ZNF484: variants seen among roughly 807,000 people sequenced by gnomAD.
The protein encoded by ZNF484 is KRAB box containing C2H2 type zinc finger bA526D8.4.
A neutral mutation model predicts 12.9 loss-of-function variants in ZNF484; 11 were observed. That is an observed-to-expected ratio of 0.85 (90% CI 0.54 to 1.41). The LOEUF (loss-of-function observed/expected upper bound fraction) is 1.41. ZNF484 is among the 40% of genes most tolerant of loss of function. The probability of loss-of-function intolerance (pLI) is 0.00; values close to 1 mark genes in which losing one functional copy is unlikely to be tolerated. For missense variants in ZNF484, 807 were observed against 1,007.7 expected, an observed-to-expected ratio of 0.80 and a Z score of 2.70; for synonymous variants, 289 against 334.1, an observed-to-expected ratio of 0.86 and a Z score of 1.47.
intron 2 of ZNF484, among the ~76,000 whole-genome samples, chr9:92,865,082 CATTAT>C (rs567848304): frequency 7.8e-4 from 118 of 152,172 alleles, no homozygotes; most frequent in Non-Finnish European, 1.6e-3. Context: ...GTATATTCAT[CATTAT>C]ATTAGGGGAC....
chr9:92,867,965 T>G (rs1857206605), intron 2 of ZNF484, among the ~76,000 whole-genome samples: 1 of 152,222 alleles, frequency 6.6e-6, no homozygotes, highest in Admixed American at 6.5e-5. Flanking sequence ...CTTGGGCTTG[T>G]ATCTGAGTGT....
chr9:92,850,969 A>G (rs1856038986), intron 4 of ZNF484, among the ~76,000 whole-genome samples: 1 of 152,186 alleles, frequency 6.6e-6, no homozygotes, highest in Non-Finnish European at 1.5e-5. Context: ...CATAACAGGA[A>G]AGAACTAGAC....
Position 92,846,765 on chromosome 9 carries a change from A to C in ZNF484, c.2022T>G (p.Thr674=). The stretch of plus-strand genomic sequence containing the variant: ...GATGTATATGGAGACCTGACTTCCT[A>C]GTGAAGGCTTTCCCACAGTCACTAC... The part of the protein sequence containing the change: ...YKCSDCGKAF[T]RKSGLHIHQQ... Residue 674 remains threonine (T), a synonymous_variant, in exon 5 of 5, where the codon ACT becomes ACG. Transcript: ENST00000375495. The C allele has an allele frequency of 6.2e-7, 1 of 1,613,504 alleles. No individual in the cohort carries two copies. Among genetic ancestry groups the C allele is most frequent in the Non-Finnish European group, 8.5e-7 (1 of 1,179,838 alleles).
Position 92,848,475 on chromosome 9 carries a change from A to T in ZNF484, c.312T>A (p.Asn104Lys), listed in dbSNP as rs758396250. The T allele has an allele frequency of 2.5e-6, 4 of 1,613,586 alleles. No individual in the cohort carries two copies. Among genetic ancestry groups the T allele is most frequent in the Non-Finnish European group, 3.4e-6 (4 of 1,179,916 alleles). Residue 104 changes from asparagine (N) to lysine (K), a missense_variant, in exon 5 of 5, where the codon AAT becomes AAA. Physicochemically the swap from Asn to Lys is moderately conservative, Grantham distance 94. Coordinates refer to ENST00000375495, the MANE Select transcript of ZNF484 (RefSeq NM_031486.4). The surrounding 1 kb of genome is among the most constrained non-coding windows in gnomAD (Gnocchi z 4.1). ...AATATGGGTCATCTCTTGTGAAGAG[A>T]TTAATATTAATCTCAGACTGGAAAG... ...EVSFQSEINI[N>K]LFTRDDPYSI...
Position 92,847,245 on chromosome 9 carries a change from G to T in ZNF484, c.1542C>A (p.His514Gln). The change falls in exon 5 of 5, where the codon CAC becomes CAA. Residue 514 changes from histidine (H) to glutamine (Q), a missense_variant. Transcript: ENST00000375495. The stretch of plus-strand genomic sequence containing the variant: ...GTTTCTCTCCAGTATGAATTTTTTG[G>T]TGCTTAATGAGATTTGACCTGTCAG... ...AFTDRSNLIK[H>Q]QKIHTGEKPY... The T allele has an allele frequency of 6.2e-7, 1 of 1,613,904 alleles. No homozygotes were observed. Among genetic ancestry groups the T allele is most frequent in the Non-Finnish European group, 8.5e-7 (1 of 1,179,972 alleles).
At chr9:92,855,509 G>C (rs1374105989) in intron 4 of ZNF484, among the ~76,000 whole-genome samples, 2 of 152,168 alleles carry the variant, frequency 1.3e-5, no homozygotes, top group Non-Finnish European at 2.9e-5. Flanking sequence ...TAGGGAAAGA[G>C]AGAAAAAAGC....
In ZNF484 at chr9:92,862,110, A is replaced by C. The variant is rs367685079; in HGVS notation, c.16-5792T>G. On this transcript the variant is annotated intron_variant, in intron 2 of 4. Coordinates refer to ENST00000375495, the MANE Select transcript of ZNF484 (RefSeq NM_031486.4). The stretch of plus-strand genomic sequence containing the variant: ...TGAAAATAAAATAGGCTCTGTTTAA[A>C]TTCTCTTAAACTTAATTCTGAGGAA... 59 of 956,206 alleles carry C rather than the reference A, an allele frequency of 6.2e-5. No individual in the cohort carries two copies. In the East Asian group the frequency reaches 3.9e-3, roughly 64 times the overall value. 59.2% of individuals were successfully genotyped at this position (956,206 alleles called of 1,614,324 possible). A position where few individuals can be genotyped will look rare whatever the true frequency, so the allele number is the denominator to read the frequency against.
intron 2 of ZNF484, among the ~76,000 whole-genome samples, chr9:92,859,617 T>C (rs983491101): frequency 6.6e-6 from 1 of 152,134 alleles, no homozygotes; most frequent in South Asian, 2.1e-4. Context: ...AGTTCAGAAG[T>C]ACCCAAGAAC....
intron 2 of ZNF484, among the ~76,000 whole-genome samples, chr9:92,861,709 C>A (rs1160374402): frequency 6.6e-6 from 1 of 152,110 alleles, no homozygotes; most frequent in Non-Finnish European, 1.5e-5. Flanking sequence ...ACAGAACAGC[C>A]AACAATCATT....
In ZNF484 at chr9:92,856,334, A is replaced by AC. The variant is rs1195473021; in HGVS notation, c.16-17_16-16insG. 3.3e-6 allele frequency: 5 copies of AC among 1,533,128 alleles called. No individual in the cohort carries two copies. The highest frequency in any genetic ancestry group is 4.4e-6 in the Non-Finnish European group (5 of 1,143,902). The allele number at this position is 1,533,128 out of a possible 1,614,324, so 95.0% of individuals were successfully genotyped here. A position where few individuals can be genotyped will look rare whatever the true frequency, so the allele number is the denominator to read the frequency against. On this transcript the variant is annotated splice_polypyrimidine_tract_variant and intron_variant, in intron 2 of 4. Coordinates refer to ENST00000375495, the MANE Select transcript of ZNF484 (RefSeq NM_031486.4). ...ACACTGATTCCTGTTAAAAAAAAAA[A>AC]ACAAACTTTAAAATAATTTTTTAAA...
Position 92,847,635 on chromosome 9 carries a change from A to G in ZNF484, c.1152T>C (p.Phe384=), listed in dbSNP as rs1341532121. 1 of 1,613,804 alleles carries G rather than the reference A, an allele frequency of 6.2e-7. No individual in the cohort carries two copies. Among genetic ancestry groups the G allele is most frequent in the African/African-American group, 1.3e-5 (1 of 74,906 alleles). The change falls in exon 5 of 5, where the codon TTT becomes TTC. Residue 384 remains phenylalanine (F), a synonymous_variant. Transcript: ENST00000375495. ...HKKIHTGGKH[F]ECTECGKAFT... ...AAGCTTTTCCACATTCAGTACATTC[A>G]AAGTGTTTCCCTCCAGTATGAATTT...
At chr9:92,858,346 T>G (rs985226540) in intron 2 of ZNF484, among the ~76,000 whole-genome samples, 3 of 152,114 alleles carry the variant, frequency 2.0e-5, no homozygotes, top group African/African-American at 7.2e-5. Context: ...AGAGATTTTT[T>G]TTTTAAAGAA....
At chr9:92,874,297 T>G (rs907855023) in intron 2 of ZNF484, among the ~76,000 whole-genome samples, 5 of 130,342 alleles carry the variant, frequency 3.8e-5, no homozygotes, top group Admixed American at 3.2e-4. Flanking sequence ...TAGTGCACGT[T>G]CTTTCTTTCT....
rs903980149 is a variant in ZNF484 at position 92,848,801 on chromosome 9, A to G, written c.236-250T>C. ...TACATGCCTGTAATTCCAGCTACTCAAGTGGCTGAGGCAAGAGAATGGCTT... is the reference window on the plus strand; with the variant it reads ...TACATGCCTGTAATTCCAGCTACTCGAGTGGCTGAGGCAAGAGAATGGCTT... On this transcript the variant is annotated intron_variant, in intron 4 of 4. Transcript: ENST00000375495. This position sits in a 1 kb window ranked among gnomAD's most constrained non-coding sequence, Gnocchi z 4.1. Among the ~76,000 whole-genome samples the G allele has an allele frequency of 6.6e-5, 10 of 151,902 alleles. No homozygotes were observed. The highest frequency in any genetic ancestry group is 2.2e-4 in the African/African-American group (9 of 41,312).
At chr9:92,869,305 A>T (rs1857291621) in intron 2 of ZNF484, among the ~76,000 whole-genome samples, 2 of 152,252 alleles carry the variant, frequency 1.3e-5, no homozygotes, top group East Asian at 3.8e-4. Flanking sequence ...TGATTAAGCC[A>T]GACACTTATA....
intron 4 of ZNF484, among the ~76,000 whole-genome samples, chr9:92,850,889 G>A (rs1587732122): frequency 6.6e-6 from 1 of 152,178 alleles, no homozygotes; most frequent in Non-Finnish European, 1.5e-5. Flanking sequence ...GAGCCACCGT[G>A]TCTGGCCTAT....
rs774183197 is a variant in ZNF484, at chr9:92,846,864, A to G, written c.1923T>C (p.Cys641=). The change falls in exon 5 of 5, where the codon TGT becomes TGC. Residue 641 remains cysteine (C), a synonymous_variant. Transcript: ENST00000375495. Reference sequence around the variant, plus strand: ...TTGATCTGTCAGTAAAAGCCTTTCCACATTCAGCACACCTATAGGGTTTCT... The same window carrying G: ...TTGATCTGTCAGTAAAAGCCTTTCCGCATTCAGCACACCTATAGGGTTTCT... The part of the protein sequence containing the change: ...TGEKPYRCAE[C]GKAFTDRSNL... 7.4e-6 allele frequency: 12 copies of G among 1,613,902 alleles called. No homozygotes were observed. The highest frequency in any genetic ancestry group is 1.0e-5 in the Non-Finnish European group (12 of 1,179,992).
At chr9:92,857,827 C>G (rs892488471) in intron 2 of ZNF484, among the ~76,000 whole-genome samples, 1 of 152,132 alleles carries the variant, frequency 6.6e-6, no homozygotes, top group African/African-American at 2.4e-5. Context: ...GTGGCACAAA[C>G]ACGACTCACT....
intron 2 of ZNF484, 58 bp from the exon 3 acceptor site, chr9:92,856,376 A>C (rs1587741501): frequency 2.7e-6 from 1 of 367,310 alleles, no homozygotes; most frequent in Non-Finnish European, 3.7e-6. Flanking sequence ...ATTTGAATTC[A>C]AAAAAAAAAA....
Sources: gnomAD v4.1 joint callset for allele counts (sites outside exome capture counted in the v4.1 genomes callset) on GRCh38, gnomAD v4.1.1 for gene constraint, Gnocchi (gnomAD v3.1) non-coding constraint, MANE v1.5 for transcripts, NCBI Gene and HGNC (gene_info 2026-07-23, HGNC 2026-07-21) for gene names.